The following HSF2 variants were observed in gnomAD, a reference collection of about 807,000 sequenced individuals.
HSF2 encodes heat shock factor protein 2.
Under a neutral mutation model 65.0 loss-of-function variants are expected in HSF2, and 21 were observed. The ratio of observed to expected loss-of-function variants is 0.32; its 90% CI spans 0.23 to 0.47. The LOEUF is 0.47. HSF2 is among the 20% of genes least tolerant of loss of function. The pLI, the probability that HSF2 is intolerant of heterozygous loss-of-function variation, is 1.00. For missense variants in HSF2, 499 were observed against 628.1 expected, an observed-to-expected ratio of 0.79 and a Z score of 2.20; for synonymous variants, 225 against 219.1, an observed-to-expected ratio of 1.03 and a Z score of -0.24.
chr6:122,409,404 G>A (rs1485699639), intron 1 of HSF2, among the ~76,000 whole-genome samples: 8 of 152,026 alleles, frequency 5.3e-5, no homozygotes, highest in Admixed American at 5.2e-4. Flanking sequence ...GCAGTTTTCA[G>A]TGAGAGTAAG....
chr6:122,422,310 GTGAGATAAAA>G lies in HSF2; in HGVS notation c.830+15_830+24del. On this transcript the variant is annotated intron_variant, in intron 8 of 12. Transcript: ENST00000368455. ...TCTGATCCCTCCAAGTAAGGAGTTT[GTGAGATAAAA>G]TGTATGAAAATATTGATTACTTTTC... 6.4e-7 allele frequency: 1 copy of G among 1,565,244 alleles called. No individual in the cohort carries two copies. The highest frequency in any genetic ancestry group is 2.2e-5 in the East Asian group (1 of 44,462).
At chr6:122,412,910 T>A (rs1053032833) in intron 3 of HSF2, 146 bp downstream of exon 3, 1 of 769,014 alleles carries the variant, frequency 1.3e-6, no homozygotes. Context: ...CTTGTTTCCC[T>A]GTATTTTTTT....
At chr6:122,413,324 T>TG (rs1774042612) in intron 3 of HSF2, among the ~76,000 whole-genome samples, 1 of 14,110 alleles carries the variant, frequency 7.1e-5, no homozygotes, top group African/African-American at 2.4e-4. Context: ...TAAAAAAAAA[T>TG]TTTTTTTAAG....
At chr6:122,409,252 C>T (rs992726928) in intron 1 of HSF2, among the ~76,000 whole-genome samples, 7 of 151,832 alleles carry the variant, frequency 4.6e-5, no homozygotes, top group Admixed American at 1.3e-4. Context: ...CCCAGAGAGT[C>T]GAACATTTAA....
rs757858506 is a variant in HSF2, at chr6:122,412,488, A to G, written c.202+7A>G. ...GTGAGGCAACTGAATATGTGTGAGT[A>G]TGGACAGCAGTTTATTGGAGTACCA... On this transcript the variant is annotated splice_region_variant and intron_variant, in intron 2 of 12. Coordinates refer to ENST00000368455, the MANE Select transcript of HSF2 (RefSeq NM_004506.4). 1.9e-6 allele frequency: 3 copies of G among 1,573,942 alleles called. No homozygotes were observed. The African/African-American group carries it at 4.1e-5, about 21-fold the overall frequency.
chr6:122,409,268 A>G (rs1773935646), intron 1 of HSF2, among the ~76,000 whole-genome samples: 1 of 151,962 alleles, frequency 6.6e-6, no homozygotes, highest in Non-Finnish European at 1.5e-5. Flanking sequence ...TTTAAGGAGG[A>G]GATTGTTAGT....
chr6:122,417,471 T>G (rs543416766), intron 5 of HSF2, among the ~76,000 whole-genome samples: 6 of 152,278 alleles, frequency 3.9e-5, no homozygotes, highest in Non-Finnish European at 7.4e-5. Context: ...ATGCTAACAT[T>G]CTGTCTGCTA....
intron 10 of HSF2, among the ~76,000 whole-genome samples, chr6:122,425,568 CATT>C (rs533153116): frequency 1.9e-3 from 287 of 152,130 alleles, no homozygotes; most frequent in African/African-American, 6.5e-3. Flanking sequence ...CTATTATTAA[CATT>C]ATTGGGCATT....
At chr6:122,418,851 A>G (rs1774176341) in intron 5 of HSF2, among the ~76,000 whole-genome samples, 1 of 152,148 alleles carries the variant, frequency 6.6e-6, no homozygotes, top group African/African-American at 2.4e-5. Context: ...TACCTGGTAT[A>G]AGAAAAATGT....
At chr6:122,401,326 G>A (rs955939454) in intron 1 of HSF2, among the ~76,000 whole-genome samples, 1 of 152,190 alleles carries the variant, frequency 6.6e-6, no homozygotes, top group African/African-American at 2.4e-5. Context: ...GATCAGTACA[G>A]ACTGTTACTC....
At chr6:122,399,903 C>T in intron 1 of HSF2, 73 bp downstream of exon 1, 2 of 1,173,252 alleles carry the variant, frequency 1.7e-6, no homozygotes, top group Non-Finnish European at 2.5e-6. Context: ...GCGGGGTGGT[C>T]TCTCGCGGCC....
At chr6:122,427,878 T>C (rs45533244) in intron 10 of HSF2, 25 bp from the exon 11 acceptor site, 36 of 1,551,458 alleles carry the variant, frequency 2.3e-5, no homozygotes, top group Admixed American at 1.2e-4. Context: ...TTTAAACTTA[T>C]CATCTTTCTT....
rs927295698 is a variant in HSF2 at position 122,428,495 on chromosome 6, G to C, written c.1230+539G>C. On this transcript the variant is annotated intron_variant, in intron 11 of 12. Coordinates refer to ENST00000368455, the MANE Select transcript of HSF2 (RefSeq NM_004506.4). The stretch of plus-strand genomic sequence containing the variant: ...ACTTGGGCTTAGCAAGTGTTGACAA[G>C]AGATTTTGCGGAACTTGTTTTTAAT... Among the ~76,000 whole-genome samples, 18 of 152,020 alleles carry C rather than the reference G, an allele frequency of 1.2e-4. No homozygotes were observed. In the South Asian group the frequency reaches 3.7e-3, roughly 32 times the overall value.
intron 4 of HSF2, among the ~76,000 whole-genome samples, chr6:122,413,931 T>C (rs996271787): frequency 6.6e-6 from 1 of 152,126 alleles, no homozygotes; most frequent in Non-Finnish European, 1.5e-5. Flanking sequence ...ACAGTAGGTC[T>C]TTAAGATGAT....
intron 1 of HSF2, among the ~76,000 whole-genome samples, chr6:122,406,721 TG>T (rs1773875653): frequency 2.0e-5 from 3 of 152,328 alleles, no homozygotes; most frequent in Admixed American, 6.5e-5. Flanking sequence ...TGAGGAAAGA[TG>T]TTAGAGATTC....
chr6:122,426,094 A>G (rs954235944), intron 10 of HSF2, among the ~76,000 whole-genome samples: 15 of 152,036 alleles, frequency 9.9e-5, no homozygotes, highest in African/African-American at 3.4e-4. Flanking sequence ...AGCCATCCCT[A>G]TATTCTGTTT....
chr6:122,423,748 A>C, intron 10 of HSF2, 62 bp downstream of exon 10: 1 of 847,614 alleles, frequency 1.2e-6, no homozygotes, highest in Non-Finnish European at 1.9e-6. Context: ...TATTATTTAA[A>C]AACCAGTACG....
intron 9 of HSF2, 97 bp downstream of exon 9, chr6:122,423,054 A>T: frequency 7.6e-7 from 1 of 1,319,764 alleles, no homozygotes; most frequent in Non-Finnish European, 1.1e-6. Context: ...TCAGATGATG[A>T]ACCCACATAG....
At position 122,401,167 on chromosome 6, in the gene HSF2, G is replaced by T. The variant is rs371626901; in HGVS notation, c.93+1337G>T. 2.6e-5 allele frequency among the ~76,000 whole-genome samples: 4 copies of T among 152,272 alleles called. No homozygotes were observed. The East Asian group carries it at 5.8e-4, about 22-fold the overall frequency. ...TCCCTGCTTGGAGTTGAGTAGGGGG[G>T]CGTGAGTGTTTCTATTAAGCATTTA... On this transcript the variant is annotated intron_variant, in intron 1 of 12. Coordinates refer to ENST00000368455, the MANE Select transcript of HSF2 (RefSeq NM_004506.4).
Sources: allele counts gnomAD v4.1 joint callset (sites outside exome capture counted in the v4.1 genomes callset), GRCh38; gene constraint gnomAD v4.1.1; transcripts MANE v1.5; gene names NCBI Gene and HGNC (gene_info 2026-07-23, HGNC 2026-07-21).